The following PRIM2 variants were observed in gnomAD, a reference collection of about 807,000 sequenced individuals.
The protein encoded by PRIM2 is DNA primase subunit 2, also known as DNA primase large subunit.
In PRIM2, 39 loss-of-function variants were observed where a neutral mutation model predicts 67.3. The ratio of observed to expected loss-of-function variants is 0.58; its 90% CI spans 0.45 to 0.76. PRIM2 has a LOEUF of 0.76. PRIM2 is among the 30% of genes least tolerant of loss of function. The probability of loss-of-function intolerance (pLI) is 0.00; values close to 1 mark genes in which losing one functional copy is unlikely to be tolerated. For synonymous variants in PRIM2, 143 were observed against 198.7 expected (o/e 0.72, Z 2.36); for missense variants, 398 against 598.7 (o/e 0.66, Z 3.50).
At chr6:57,264,310 C>T in the PRIM2 span, among the ~76,000 whole-genome samples, 1 of 152,220 alleles carries the variant, frequency 6.6e-6, no homozygotes, top group East Asian at 1.9e-4. Flanking sequence ...TGACACCAAG[C>T]CATGAATTTC....
the PRIM2 span, among the ~76,000 whole-genome samples, chr6:57,243,875 A>G: frequency 5.6e-4 from 85 of 152,310 alleles, no homozygotes; most frequent in Non-Finnish European, 9.4e-4. Flanking sequence ...TCTGACTTCT[A>G]TGTAATTCAA....
intron 5 of PRIM2, among the ~76,000 whole-genome samples, chr6:57,326,754 CAGTA>C (rs1028754288): frequency 1.3e-5 from 2 of 151,804 alleles, no homozygotes; most frequent in African/African-American, 2.4e-5. Flanking sequence ...TCAAAAATGT[CAGTA>C]AGATCTGTAT....
intron 5 of PRIM2, among the ~76,000 whole-genome samples, chr6:57,361,414 A>G (rs1769195258): frequency 6.6e-6 from 1 of 151,718 alleles, no homozygotes; most frequent in South Asian, 2.1e-4. Flanking sequence ...AACCAAGGGG[A>G]GGAAGCTTGG....
intron 7 of PRIM2, among the ~76,000 whole-genome samples, chr6:57,470,053 TTTAAC>T (rs1225968530): frequency 1.3e-5 from 2 of 152,116 alleles, no homozygotes; most frequent in South Asian, 2.1e-4. Context: ...GTCTTTCCAT[TTTAAC>T]TTAAGTTCAC....
At chr6:57,440,842 A>G (rs1772181205) in intron 7 of PRIM2, among the ~76,000 whole-genome samples, 1 of 152,250 alleles carries the variant, frequency 6.6e-6, no homozygotes, top group South Asian at 2.1e-4. Flanking sequence ...TCCTACAGAC[A>G]AATCTTGAAG....
At chr6:57,472,604 G>T (rs1773364272) in intron 7 of PRIM2, among the ~76,000 whole-genome samples, 1 of 152,000 alleles carries the variant, frequency 6.6e-6, no homozygotes, top group East Asian at 1.9e-4. Flanking sequence ...AATTTTTCTT[G>T]ATTTGTATTT....
In PRIM2 at chr6:57,541,573, T is replaced by C. The variant is rs1342385012; in HGVS notation, c.1020+3948T>C. 6.6e-5 allele frequency among the ~76,000 whole-genome samples: 10 copies of C among 152,332 alleles called. No homozygotes were observed. The South Asian group carries it at 1.9e-3, about 28-fold the overall frequency. ...TAAGTGTTTGGGGAATAAAAAGTTA[T>C]ACATGGATTTTAACTGTATGGGGTG... On this transcript the variant is annotated intron_variant, in intron 10 of 13. Transcript: ENST00000615550.
chr6:57,457,814 T>C (rs1172171488), intron 7 of PRIM2, among the ~76,000 whole-genome samples: 11 of 152,052 alleles, frequency 7.2e-5, no homozygotes, highest in Non-Finnish European at 1.3e-4. Flanking sequence ...TTTCCGACAC[T>C]CACCAGTGAG....
In PRIM2 at chr6:57,432,196, G is replaced by A. The variant is rs535905905; in HGVS notation, c.693+50028G>A. ...ACAATTGGACTAAATGAAGTTGGAA[G>A]TAAAGTGAGAAAACTTTCCATTTTT... On this transcript the variant is annotated intron_variant, in intron 7 of 13. Coordinates refer to ENST00000615550, the MANE Select transcript of PRIM2 (RefSeq NM_000947.5). Among the ~76,000 whole-genome samples, 209 of 152,174 alleles carry A rather than the reference G, an allele frequency of 1.4e-3. 1 individual carries two copies. The highest frequency in any genetic ancestry group is 4.7e-3 in the African/African-American group (196 of 41,564).
chr6:57,619,686 G>A (rs1776817245), intron 12 of PRIM2, among the ~76,000 whole-genome samples: 1 of 152,092 alleles, frequency 6.6e-6, no homozygotes, highest in Non-Finnish European at 1.5e-5. Flanking sequence ...TTGAAGACAA[G>A]GTGTTCGAAT....
chr6:57,646,160 C>G lies in PRIM2; in HGVS notation c.*2C>G. 6.3e-7 allele frequency: 1 copy of G among 1,576,650 alleles called. No homozygotes were observed. The highest frequency in any genetic ancestry group is 1.7e-5 in the Admixed American group (1 of 59,654). ...GATTACTTTAGTGAAGATTCTTAGG[C>G]AGTTTTATAACCCTTTTTCCTCAAT... On this transcript the variant is annotated 3_prime_UTR_variant, in exon 14 of 14. Coordinates refer to ENST00000615550, the MANE Select transcript of PRIM2 (RefSeq NM_000947.5).
chr6:57,601,420 A>C (rs1776461566), intron 11 of PRIM2, among the ~76,000 whole-genome samples: 1 of 152,220 alleles, frequency 6.6e-6, no homozygotes, highest in African/African-American at 2.4e-5. Context: ...AGAGAAATTC[A>C]TTCAGCTGCA....
intron 7 of PRIM2, among the ~76,000 whole-genome samples, chr6:57,450,349 A>G (rs1772503463): frequency 6.6e-6 from 1 of 152,202 alleles, no homozygotes; most frequent in Non-Finnish European, 1.5e-5. Context: ...CCAAATTACC[A>G]TTTGAATTTA....
chr6:57,294,476 G>A, the PRIM2 span, among the ~76,000 whole-genome samples: 32 of 151,850 alleles, frequency 2.1e-4, no homozygotes, highest in East Asian at 1.9e-4. Flanking sequence ...GCGAGACTCC[G>A]TCTGCAAAAA....
At chr6:57,263,387 C>G in the PRIM2 span, among the ~76,000 whole-genome samples, 1 of 152,168 alleles carries the variant, frequency 6.6e-6, no homozygotes, top group East Asian at 1.9e-4. Flanking sequence ...CTTCCTTGCC[C>G]CTTCCCAGCT....
intron 10 of PRIM2, among the ~76,000 whole-genome samples, chr6:57,566,744 C>T (rs1438068768): frequency 3.3e-5 from 5 of 152,076 alleles, no homozygotes; most frequent in South Asian, 4.1e-4. Context: ...TAGGATAAGC[C>T]GCTTTCCTGT....
the PRIM2 span, among the ~76,000 whole-genome samples, chr6:57,235,945 C>T: frequency 2.0e-5 from 3 of 152,164 alleles, no homozygotes; most frequent in African/African-American, 7.2e-5. Flanking sequence ...AAGGATTCTC[C>T]TCTAGAGCCT....
chr6:57,304,127 C>T, the PRIM2 span, among the ~76,000 whole-genome samples: 1 of 152,026 alleles, frequency 6.6e-6, no homozygotes, highest in Non-Finnish European at 1.5e-5. Context: ...ATTGGGGTCA[C>T]ATGAGAGGCT....
the PRIM2 span, among the ~76,000 whole-genome samples, chr6:57,264,645 G>GGAGT: frequency 3.6e-5 from 5 of 140,760 alleles, no homozygotes; most frequent in African/African-American, 1.3e-4. Context: ...TTGCCAGGCT[G>GGAGT]GAGTGCAGTG....
Sources: gnomAD v4.1 joint callset for allele counts (sites outside exome capture counted in the v4.1 genomes callset) on GRCh38, gnomAD v4.1.1 for gene constraint, MANE v1.5 for transcripts, NCBI Gene and HGNC (gene_info 2026-07-23, HGNC 2026-07-21) for gene names.